The following UVRAG variants were observed in gnomAD, a reference collection of about 807,000 sequenced individuals.
UVRAG encodes the protein UV radiation resistance associated, also known as UV radiation resistance-associated gene protein.
UVRAG carries 19 observed loss-of-function variants against 78.0 expected under a neutral mutation model. That is an observed-to-expected ratio of 0.24 (90% CI 0.17 to 0.36). The LOEUF (loss-of-function observed/expected upper bound fraction) is 0.36. UVRAG is among the 10% of genes least tolerant of loss of function. The pLI, the probability that UVRAG is intolerant of heterozygous loss-of-function variation, is 1.00. For missense variants in UVRAG, 740 were observed against 853.8 expected, an observed-to-expected ratio of 0.87 and a Z score of 1.66; for synonymous variants, 323 against 324.6, an observed-to-expected ratio of 1.00 and a Z score of 0.05.
rs182057573 is a variant in UVRAG, at chr11:76,122,568, G to A, written c.1397+6553G>A. Among the ~76,000 whole-genome samples, 8 of 152,308 alleles carry A rather than the reference G, an allele frequency of 5.3e-5. No individual in the cohort carries two copies. In the East Asian group the frequency reaches 7.7e-4, roughly 15 times the overall value. ...AGCTTTTATAATGAGTAAATGAATC[G>A]TAGTTACTGTCTATATCTTTTTAAA... On this transcript the variant is annotated intron_variant, in intron 14 of 14. Transcript: ENST00000356136.
At chr11:76,084,465 T>G (rs1378045343) in intron 13 of UVRAG, among the ~76,000 whole-genome samples, 4 of 152,188 alleles carry the variant, frequency 2.6e-5, no homozygotes, top group Non-Finnish European at 5.9e-5. Flanking sequence ...TTATTCTCTT[T>G]CCCTGCCTAG....
chr11:75,873,067 A>G (rs947261927), intron 3 of UVRAG, among the ~76,000 whole-genome samples: 5 of 152,208 alleles, frequency 3.3e-5, no homozygotes, highest in Non-Finnish European at 5.9e-5. Flanking sequence ...ACAGGTTCCT[A>G]TGGGAGCATA....
At chr11:76,125,878 C>T (rs1952378053) in intron 14 of UVRAG, among the ~76,000 whole-genome samples, 2 of 151,914 alleles carry the variant, frequency 1.3e-5, no homozygotes, top group Non-Finnish European at 2.9e-5. Flanking sequence ...CAGATCTTAC[C>T]ATCTGTACCA....
At chr11:76,017,446 C>T (rs988280062) in intron 12 of UVRAG, among the ~76,000 whole-genome samples, 1 of 152,002 alleles carries the variant, frequency 6.6e-6, no homozygotes, top group Non-Finnish European at 1.5e-5. Flanking sequence ...TAATTTCAGG[C>T]ACAGAGAGGC....
Position 76,016,886 on chromosome 11 carries a change from C to G in UVRAG, c.1132C>G (p.Leu378Val), listed in dbSNP as rs1351531055. 6.8e-6 allele frequency: 11 copies of G among 1,612,230 alleles called. No individual in the cohort carries two copies. Among genetic ancestry groups the G allele is most frequent in the Admixed American group, 5.0e-5 (3 of 59,934 alleles). Residue 378 changes from leucine (L) to valine (V), a missense_variant, in exon 12 of 15, where the codon CTA (leucine) becomes GTA (valine). Coordinates refer to ENST00000356136, the MANE Select transcript of UVRAG (RefSeq NM_003369.4). ...TCTGGTCTCCATGATTTCCTTTTTC[C>G]TACAAGTGCCCCTCAGATATCCTAT... The part of the protein sequence containing the change: ...AHLVSMISFF[L>V]QVPLRYPIIH...
intron 8 of UVRAG, among the ~76,000 whole-genome samples, chr11:75,997,564 A>G (rs541474001): frequency 2.3e-4 from 35 of 152,342 alleles, no homozygotes; most frequent in African/African-American, 6.7e-4. Flanking sequence ...CCAATGACCT[A>G]TTGATGTGAT....
intron 6 of UVRAG, among the ~76,000 whole-genome samples, chr11:75,936,294 T>A (rs528321979): frequency 6.6e-6 from 1 of 152,230 alleles, no homozygotes; most frequent in East Asian, 1.9e-4. Context: ...CATTTTTAGA[T>A]GATAAATGTC....
intron 2 of UVRAG, among the ~76,000 whole-genome samples, chr11:75,855,209 A>T (rs1239549437): frequency 6.6e-6 from 1 of 152,192 alleles, no homozygotes; most frequent in Non-Finnish European, 1.5e-5. Context: ...TCTTGAATTT[A>T]GGAGTTGTCA....
At chr11:76,004,642 CAT>C (rs1949891566) in intron 9 of UVRAG, among the ~76,000 whole-genome samples, 1 of 137,814 alleles carries the variant, frequency 7.3e-6, no homozygotes, top group Non-Finnish European at 1.6e-5. Flanking sequence ...TTCATTCATT[CAT>C]AGACAGGGTC....
At chr11:75,828,769 A>G (rs1945584235) in intron 1 of UVRAG, among the ~76,000 whole-genome samples, 1 of 111,214 alleles carries the variant, frequency 9.0e-6, no homozygotes, top group Non-Finnish European at 1.8e-5. Context: ...ATATATATAT[A>G]TATATACACA....
intron 12 of UVRAG, among the ~76,000 whole-genome samples, chr11:76,052,752 C>G (rs1054737649): frequency 6.6e-6 from 1 of 151,952 alleles, no homozygotes; most frequent in Non-Finnish European, 1.5e-5. Context: ...GCTCCTTCTC[C>G]CCATCCTTCG....
chr11:76,068,290 C>T (rs977887110), intron 13 of UVRAG, among the ~76,000 whole-genome samples: 6 of 152,192 alleles, frequency 3.9e-5, no homozygotes, highest in African/African-American at 1.4e-4. Flanking sequence ...GTTTGATCCC[C>T]ACTTCCCAAG....
At chr11:76,139,277 A>C (rs1952658430) in intron 14 of UVRAG, among the ~76,000 whole-genome samples, 1 of 152,206 alleles carries the variant, frequency 6.6e-6, no homozygotes, top group Non-Finnish European at 1.5e-5. Flanking sequence ...TTGTGGCTGT[A>C]GACACAAGTG....
intron 1 of UVRAG, among the ~76,000 whole-genome samples, chr11:75,833,509 A>C (rs1436561154): frequency 6.6e-6 from 1 of 152,182 alleles, no homozygotes; most frequent in South Asian, 2.1e-4. Flanking sequence ...TTTCATATCC[A>C]TAGCATAGTT....
At chr11:75,959,822 CT>C (rs1231597548) in intron 6 of UVRAG, among the ~76,000 whole-genome samples, 1 of 152,160 alleles carries the variant, frequency 6.6e-6, no homozygotes, top group Non-Finnish European at 1.5e-5. Flanking sequence ...TAGGACTATT[CT>C]TTTCACTTGA....
chr11:75,877,722 G>T (rs1361940038), intron 3 of UVRAG, among the ~76,000 whole-genome samples: 7 of 141,390 alleles, frequency 5.0e-5, no homozygotes, highest in Non-Finnish European at 9.4e-5. Context: ...CGGGGCGGCT[G>T]GCCGGGCGGG....
intron 13 of UVRAG, among the ~76,000 whole-genome samples, chr11:76,084,480 T>C (rs1951549482): frequency 6.6e-6 from 1 of 152,184 alleles, no homozygotes; most frequent in Non-Finnish European, 1.5e-5. Context: ...GCCTAGAACA[T>C]AGCCATTAAA....
rs61892935 is a variant in UVRAG, at chr11:75,962,803, C to G, written c.699+1254C>G. On this transcript the variant is annotated intron_variant, in intron 7 of 14. Coordinates refer to ENST00000356136, the MANE Select transcript of UVRAG (RefSeq NM_003369.4). ...TGCTGGGTTTTATTTTTGTTTTCCT[C>G]TCCCAAGGAAAGACTGGGAAATTAA... Among the ~76,000 whole-genome samples the G allele has an allele frequency of 3.2e-3, 490 of 152,218 alleles. 7 individuals are homozygous for G. Among genetic ancestry groups the G allele is most frequent in the Middle Eastern group, 0.017 (5 of 294 alleles).
intron 13 of UVRAG, among the ~76,000 whole-genome samples, chr11:76,100,248 T>C (rs565686017): frequency 8.1e-4 from 124 of 152,288 alleles, no homozygotes; most frequent in Admixed American, 2.1e-3. Context: ...TCAGTGTTGC[T>C]AACCCTTTCC....
Sources: allele counts gnomAD v4.1 joint callset (sites outside exome capture counted in the v4.1 genomes callset), GRCh38; gene constraint gnomAD v4.1.1; transcripts MANE v1.5; gene names NCBI Gene and HGNC (gene_info 2026-07-23, HGNC 2026-07-21).